PRKN: variants seen among roughly 807,000 people sequenced by gnomAD.
The protein encoded by PRKN is parkin RBR E3 ubiquitin protein ligase, also known as E3 ubiquitin-protein ligase parkin.
A neutral mutation model predicts 59.5 loss-of-function variants in PRKN; 56 were observed. The ratio of observed to expected loss-of-function variants is 0.94; its 90% CI spans 0.76 to 1.18. The LOEUF is 1.18. PRKN is among the 50% of genes most tolerant of loss of function. The pLI is 0.00. For synonymous variants in PRKN, 250 were observed against 222.1 expected, an observed-to-expected ratio of 1.13 and a Z score of -1.12; for missense variants, 657 against 596.4, an observed-to-expected ratio of 1.10 and a Z score of -1.06.
Position 161,458,203 on chromosome 6 carries a change from T to C in PRKN, c.1084-71326A>G, listed in dbSNP as rs1447882224. Among the ~76,000 whole-genome samples, 1 of 152,232 alleles carries C rather than the reference T, an allele frequency of 6.6e-6. No individual in the cohort carries two copies. Among genetic ancestry groups the C allele is most frequent in the Non-Finnish European group, 1.5e-5 (1 of 68,044 alleles). On this transcript the variant is annotated intron_variant, in intron 9 of 11. Coordinates refer to ENST00000366898, the MANE Select transcript of PRKN (RefSeq NM_004562.3). The surrounding 1 kb of genome is among the most constrained non-coding windows in gnomAD (Gnocchi z 6.1). ...AAATAAATCTTAGTGCAGCTGCTTA[T>C]CGAGCTAAAGAAGGCCTGGTGTCTC...
chr6:161,906,051 G>A (rs1461672398), intron 6 of PRKN, among the ~76,000 whole-genome samples: 2 of 151,548 alleles, frequency 1.3e-5, no homozygotes, highest in African/African-American at 4.9e-5. Context: ...AGACTGGTCT[G>A]TAACTCTAGT....
chr6:162,419,136 T>C (rs1788822663), intron 2 of PRKN, among the ~76,000 whole-genome samples: 1 of 152,060 alleles, frequency 6.6e-6, no homozygotes, highest in African/African-American at 2.4e-5. Flanking sequence ...GTTCGTATTA[T>C]TGTCTTGGCT....
chr6:162,562,061 TG>T (rs1222822867), intron 1 of PRKN, among the ~76,000 whole-genome samples: 1 of 151,812 alleles, frequency 6.6e-6, no homozygotes, highest in Non-Finnish European at 1.5e-5. Flanking sequence ...GGAGAGGAGA[TG>T]GAGGAGTAGG....
At chr6:161,421,245 AT>A (rs1218769723) in intron 9 of PRKN, among the ~76,000 whole-genome samples, 11 of 152,184 alleles carry the variant, frequency 7.2e-5, no homozygotes, top group Admixed American at 6.5e-4. Flanking sequence ...GTACTTAAGT[AT>A]TAATTGAAAC....
At chr6:162,115,045 C>G (rs200257611) in intron 4 of PRKN, among the ~76,000 whole-genome samples, 1 of 151,576 alleles carries the variant, frequency 6.6e-6, no homozygotes, top group Non-Finnish European at 1.5e-5. Flanking sequence ...CACATGCACA[C>G]GTATGTTTAT....
intron 1 of PRKN, among the ~76,000 whole-genome samples, chr6:162,611,644 G>A (rs1782156587): frequency 6.6e-6 from 1 of 152,180 alleles, no homozygotes; most frequent in South Asian, 2.1e-4. Context: ...CAGGATGATG[G>A]TGGATTGTTA....
intron 1 of PRKN, among the ~76,000 whole-genome samples, chr6:162,519,195 C>A (rs1381525330): frequency 2.0e-5 from 3 of 152,086 alleles, no homozygotes; most frequent in Non-Finnish European, 4.4e-5. Flanking sequence ...CAAAAACCTA[C>A]TGGCAATAAG....
At chr6:162,196,710 A>C (rs964963054) in intron 4 of PRKN, among the ~76,000 whole-genome samples, 1 of 152,186 alleles carries the variant, frequency 6.6e-6, no homozygotes, top group African/African-American at 2.4e-5. Flanking sequence ...TCAGTTCCCC[A>C]TGCCTAACAT....
intron 5 of PRKN, among the ~76,000 whole-genome samples, chr6:162,048,086 AT>A (rs1320885419): frequency 2.0e-5 from 3 of 152,148 alleles, no homozygotes; most frequent in Non-Finnish European, 2.9e-5. Flanking sequence ...AAGAAAAAAA[AT>A]GTTTGATGTA....
intron 6 of PRKN, among the ~76,000 whole-genome samples, chr6:161,959,910 C>A (rs897452345): frequency 3.5e-4 from 53 of 152,270 alleles, no homozygotes; most frequent in African/African-American, 1.1e-3. Context: ...ACAATGAAAT[C>A]GGTGGTGGGT....
chr6:162,001,532 G>A (rs2128263036), intron 5 of PRKN, among the ~76,000 whole-genome samples: 1 of 30,344 alleles, frequency 3.3e-5, no homozygotes, highest in Non-Finnish European at 7.0e-5. Context: ...TTACTAACTA[G>A]TTTGGGGGAT....
intron 4 of PRKN, among the ~76,000 whole-genome samples, chr6:162,193,718 C>T (rs1784383657): frequency 6.6e-6 from 1 of 152,174 alleles, no homozygotes; most frequent in East Asian, 1.9e-4. Flanking sequence ...GATTCACTGG[C>T]TGGCCAACTT....
intron 1 of PRKN, among the ~76,000 whole-genome samples, chr6:162,507,107 G>C (rs1480984359): frequency 6.6e-6 from 1 of 152,156 alleles, no homozygotes; most frequent in Non-Finnish European, 1.5e-5. Context: ...TGATCTGGAA[G>C]ATATGCTAGA....
At chr6:161,569,506 G>A (rs1780789901) in intron 7 of PRKN, 90 bp from the exon 8 acceptor site, 1 of 1,128,462 alleles carries the variant, frequency 8.9e-7, no homozygotes, top group Admixed American at 1.8e-5. Flanking sequence ...TCAACTGCCA[G>A]TGTTGCCTTT....
At chr6:161,517,899 G>A (rs1438411961) in intron 9 of PRKN, among the ~76,000 whole-genome samples, 2 of 152,132 alleles carry the variant, frequency 1.3e-5, no homozygotes, top group African/African-American at 2.4e-5. Flanking sequence ...AAAAGCTGGT[G>A]AAGGGTACCT....
At position 161,462,915 on chromosome 6, in the gene PRKN, G is replaced by A. The variant is rs1349626798; in HGVS notation, c.1084-76038C>T. On this transcript the variant is annotated intron_variant, in intron 9 of 11. Coordinates refer to ENST00000366898, the MANE Select transcript of PRKN (RefSeq NM_004562.3). The surrounding 1 kb of genome is among the most constrained non-coding windows in gnomAD (Gnocchi z 4.5). ...TTTCTTCACTCAGTTTTTTTGTTTG[G>A]TAGAGCACTTAGTATTAACAAGGCA... 6.6e-6 allele frequency among the ~76,000 whole-genome samples: 1 copy of A among 151,914 alleles called. No homozygotes were observed. Among genetic ancestry groups the A allele is most frequent in the Non-Finnish European group, 1.5e-5 (1 of 67,974 alleles).
At chr6:162,238,386 C>T (rs969307885) in intron 3 of PRKN, among the ~76,000 whole-genome samples, 3 of 152,150 alleles carry the variant, frequency 2.0e-5, no homozygotes, top group African/African-American at 7.2e-5. Flanking sequence ...GTTTGCACAA[C>T]AAGAAGATTG....
chr6:162,174,526 C>T (rs909625118), intron 4 of PRKN, among the ~76,000 whole-genome samples: 1 of 122,952 alleles, frequency 8.1e-6, no homozygotes, highest in Non-Finnish European at 1.7e-5. Context: ...AGTTAAAATA[C>T]AATTCTTCCA....
chr6:162,629,150 T>C (rs1166279748), intron 1 of PRKN, among the ~76,000 whole-genome samples: 1 of 152,164 alleles, frequency 6.6e-6, no homozygotes, highest in Non-Finnish European at 1.5e-5. Flanking sequence ...ATACATAGAT[T>C]AAACCACAAT....
Sources: gnomAD v4.1 joint callset for allele counts (sites outside exome capture counted in the v4.1 genomes callset) on GRCh38, gnomAD v4.1.1 for gene constraint, Gnocchi (gnomAD v3.1) non-coding constraint, MANE v1.5 for transcripts, NCBI Gene and HGNC (gene_info 2026-07-23, HGNC 2026-07-21) for gene names.